Variants in TFAP2A observed in about 807,000 individuals in gnomAD.
TFAP2A encodes transcription factor AP-2 alpha.
In TFAP2A, 7 loss-of-function variants were observed where a neutral mutation model predicts 41.5. That is an observed-to-expected ratio of 0.17 (90% CI 0.10 to 0.32). The LOEUF is 0.32. Among genes scored for constraint, TFAP2A ranks in the 10% least tolerant of loss-of-function variants. The probability of loss-of-function intolerance (pLI) is 1.00; values close to 1 mark genes in which losing one functional copy is unlikely to be tolerated. For synonymous variants in TFAP2A, 247 were observed against 242.8 expected, an observed-to-expected ratio of 1.02 and a Z score of -0.16; for missense variants, 416 against 563.3, an observed-to-expected ratio of 0.74 and a Z score of 2.65.
rs1581263678 is a variant in TFAP2A at position 10,405,088 on chromosome 6, TG to T, written c.539-350del. 4 of 350,354 alleles carry T rather than the reference TG, an allele frequency of 1.1e-5. No individual in the cohort carries two copies. The East Asian group carries it at 1.7e-4, about 15-fold the overall frequency. The allele number at this position is 350,354 out of a possible 1,614,324, so 21.7% of individuals were successfully genotyped here. ...GCATCCGAGCGGAGTGGGCCCCAGA[TG>T]AGGTCCAGGACCACGGGTTCAGGGT... On this transcript the variant is annotated intron_variant, in intron 3 of 6. Coordinates refer to ENST00000379613, the MANE Select transcript of TFAP2A (RefSeq NM_001372066.1).
At chr6:10,410,449 TGGCCGCCG>T in intron 1 of TFAP2A, 114 bp from the exon 2 acceptor site, 1 of 1,062,672 alleles carries the variant, frequency 9.4e-7, no homozygotes, top group Non-Finnish European at 1.4e-6. Flanking sequence ...TCCCGTTGGC[TGGCCGCCG>T]GGAAAAAATC....
upstream of TFAP2A, chr6:10,416,438 AAAAG>A (rs1758247897): frequency 6.6e-6 from 1 of 151,688 alleles, no homozygotes; most frequent in South Asian, 2.1e-4. Context: ...AGAAAAAAAA[AAAAG>A]AAAAGGACCT....
chr6:10,400,974 C>A (rs1581258299), intron 5 of TFAP2A, among the ~76,000 whole-genome samples: 1 of 152,212 alleles, frequency 6.6e-6, no homozygotes, highest in South Asian at 2.1e-4. Context: ...TGCAAGGGAA[C>A]AACTGAGGGG....
chr6:10,415,242 G>T (rs1445198603), upstream of TFAP2A: 5 of 1,450,240 alleles, frequency 3.4e-6, no homozygotes, highest in South Asian at 1.4e-5. Context: ...TCCCGTGTGC[G>T]CTCGGAGATC....
chr6:10,419,269 T>C (rs375236034), upstream of TFAP2A: 582 of 913,728 alleles, frequency 6.4e-4, 5 homozygotes, highest in African/African-American at 8.6e-3. Context: ...CGCTGTCTCC[T>C]GGGAGCTCTC....
At position 10,398,821 on chromosome 6, in the gene TFAP2A, G is replaced by A; in HGVS notation, c.1032-116C>T. 2 of 1,262,646 alleles carry A rather than the reference G, an allele frequency of 1.6e-6. No individual in the cohort carries two copies. The highest frequency in any genetic ancestry group is 2.2e-6 in the Non-Finnish European group (2 of 912,226). 78.2% of individuals were successfully genotyped at this position (1,262,646 alleles called of 1,614,324 possible). On this transcript the variant is annotated intron_variant, in intron 6 of 6. Transcript: ENST00000379613. The surrounding 1 kb of genome is among the most constrained non-coding windows in gnomAD (Gnocchi z 5.3). Reference sequence around the variant, plus strand: ...CTCTGCCGGGATCCAGCCGGTACCTGACATGACCCAAGACCCCAGAGACAG... The same window carrying A: ...CTCTGCCGGGATCCAGCCGGTACCTAACATGACCCAAGACCCCAGAGACAG...
intron 2 of TFAP2A, chr6:10,409,486 T>G (rs1249892732): frequency 4.8e-6 from 1 of 206,968 alleles, no homozygotes; most frequent in Non-Finnish European, 9.9e-6. Flanking sequence ...TTTTACATTT[T>G]GAGGACATTT....
chr6:10,411,746 G>C, intron 1 of TFAP2A: 2 of 1,496,676 alleles, frequency 1.3e-6, no homozygotes, highest in South Asian at 2.6e-5. Context: ...GACGCTCCCC[G>C]GAGCGCGGGA....
Position 10,398,098 on chromosome 6 carries a change from T to A in TFAP2A, c.*319A>T. 8.1e-7 allele frequency: 1 copy of A among 1,233,382 alleles called. No homozygotes were observed. Among genetic ancestry groups the A allele is most frequent in the Non-Finnish European group, 1.0e-6 (1 of 985,914 alleles). 76.4% of individuals were successfully genotyped at this position (1,233,382 alleles called of 1,614,324 possible). A position where few individuals can be genotyped will look rare whatever the true frequency, so the allele number is the denominator to read the frequency against. Reference sequence around the variant, plus strand: ...TTGTTTTGTTTAAAAAAAAAAGGGTTCACAAACTTGGCAGAACTTTTCTCT... The same window carrying A: ...TTGTTTTGTTTAAAAAAAAAAGGGTACACAAACTTGGCAGAACTTTTCTCT... On this transcript the variant is annotated 3_prime_UTR_variant, in exon 7 of 7. Coordinates refer to ENST00000379613, the MANE Select transcript of TFAP2A (RefSeq NM_001372066.1). This position sits in a 1 kb window ranked among gnomAD's most constrained non-coding sequence, Gnocchi z 5.3.
chr6:10,412,140 T>C (rs1317785676), intron 1 of TFAP2A: 34 of 991,090 alleles, frequency 3.4e-5, no homozygotes, highest in Non-Finnish European at 4.0e-5. Context: ...ATGCAGTCCA[T>C]TGACGGGAGT....
intron 5 of TFAP2A, among the ~76,000 whole-genome samples, chr6:10,401,264 C>G (rs966771086): frequency 6.6e-6 from 1 of 152,244 alleles, no homozygotes; most frequent in African/African-American, 2.4e-5. Context: ...AACTGCCTCC[C>G]TGCTACAGAA....
At chr6:10,415,711 C>T (rs1561718647), upstream of TFAP2A, 1 of 152,760 alleles carries the variant, frequency 6.5e-6, no homozygotes, top group African/African-American at 2.4e-5. Flanking sequence ...TTAAACATAA[C>T]CACCAAACCA....
At chr6:10,400,924 C>A (rs1177073891) in intron 5 of TFAP2A, 1 of 477,122 alleles carries the variant, frequency 2.1e-6, no homozygotes, top group African/African-American at 2.0e-5. Flanking sequence ...CCTATCAACA[C>A]ATTCATAAAT....
upstream of TFAP2A, chr6:10,415,174 G>A (rs546508077): frequency 1.9e-3 from 2,837 of 1,502,380 alleles, 3 homozygotes; most frequent in Non-Finnish European, 2.3e-3. Context: ...GAAGAGGAGG[G>A]CGAGGAGGAG....
chr6:10,409,973 G>A lies in TFAP2A; in HGVS notation c.414C>T (p.Gly138=), dbSNP rs1389756739. ...CGAGTCCTGAGCTGAGCGCGTGTGG[G>A]CCGTGCAGGAGGTCCTCGTGCCGCC... is the stretch of plus-strand genomic sequence containing the variant. ...DYRRHEDLLH[G]PHALSSGLGD... Residue 138 remains glycine, a synonymous_variant, in exon 2 of 7, where the codon GGC becomes GGT. Coordinates refer to ENST00000379613, the MANE Select transcript of TFAP2A (RefSeq NM_001372066.1). 1.9e-6 allele frequency: 3 copies of A among 1,588,392 alleles called. No homozygotes were observed. Among genetic ancestry groups the A allele is most frequent in the East Asian group, 4.6e-5 (2 of 43,302 alleles).
chr6:10,400,459 G>A lies in TFAP2A; in HGVS notation c.1020C>T (p.Leu340=), dbSNP rs1761966494. ...GGTAAATGCCTTACTTTGTAGCCAGGAGCATGTTTTTTCTTGTCACTTGCT... is the reference window on the plus strand; with the variant it reads ...GGTAAATGCCTTACTTTGTAGCCAGAAGCATGTTTTTTCTTGTCACTTGCT... The part of the protein sequence containing the change: ...PNEQVTRKNM[L]LATKQICKEF... Residue 340 remains leucine (L), a synonymous_variant, in exon 6 of 7, where the codon CTC becomes CTT. Transcript: ENST00000379613. The A allele has an allele frequency of 6.2e-7, 1 of 1,614,082 alleles. No homozygotes were observed. Among genetic ancestry groups the A allele is most frequent in the African/African-American group, 1.3e-5 (1 of 74,918 alleles).
chr6:10,399,657 C>T (rs1321853601), intron 6 of TFAP2A, among the ~76,000 whole-genome samples: 1 of 152,232 alleles, frequency 6.6e-6, no homozygotes, highest in Non-Finnish European at 1.5e-5. Flanking sequence ...AACAGGGTCC[C>T]ACCCAAGGCC....
chr6:10,414,814 G>C, intron 1 of TFAP2A, 127 bp downstream of exon 1: 2 of 1,277,132 alleles, frequency 1.6e-6, no homozygotes, highest in Non-Finnish European at 2.3e-6. Context: ...CCGAGGGACG[G>C]GCGCTGCGCT....
intron 1 of TFAP2A, chr6:10,412,329 G>C: frequency 3.1e-6 from 3 of 974,956 alleles, no homozygotes; most frequent in Non-Finnish European, 3.7e-6. Flanking sequence ...CAGAGAGGGA[G>C]ACCGAAGGAG....
Sources: allele counts gnomAD v4.1 joint callset (sites outside exome capture counted in the v4.1 genomes callset), GRCh38; gene constraint gnomAD v4.1.1; non-coding constraint Gnocchi (gnomAD v3.1); transcripts MANE v1.5; gene names NCBI Gene and HGNC (gene_info 2026-07-23, HGNC 2026-07-21).